The following TRAF3 variants were observed in gnomAD, a reference collection of about 807,000 sequenced individuals.
TRAF3 encodes TNF receptor-associated factor 3.
Under a neutral mutation model 62.3 loss-of-function variants are expected in TRAF3, and 13 were observed. The observed-to-expected ratio is 0.21, with a 90% CI of 0.14 to 0.33. The LOEUF is 0.33. TRAF3 is among the 10% of genes least tolerant of loss of function. The pLI is 1.00. For missense variants in TRAF3, 440 were observed against 741.8 expected, an observed-to-expected ratio of 0.59 and a Z score of 4.73; for synonymous variants, 269 against 283.4, an observed-to-expected ratio of 0.95 and a Z score of 0.51.
chr14:102,884,074 A>G (rs112213066), intron 6 of TRAF3, among the ~76,000 whole-genome samples: 3,185 of 152,328 alleles, frequency 0.021, 52 homozygotes, highest in Non-Finnish European at 0.03. Context: ...GCAAAAAACA[A>G]ATTTATCCTG....
At chr14:102,815,839 C>G (rs1372009581) in intron 1 of TRAF3, among the ~76,000 whole-genome samples, 1 of 152,106 alleles carries the variant, frequency 6.6e-6, no homozygotes, top group African/African-American at 2.4e-5. Context: ...GGAAAAACTA[C>G]CATTTATAAA....
chr14:102,838,675 C>T (rs139948142), intron 2 of TRAF3, among the ~76,000 whole-genome samples: 25 of 152,238 alleles, frequency 1.6e-4, no homozygotes, highest in African/African-American at 4.8e-4. Context: ...ACAGTCGTTG[C>T]GGCTGGAGCA....
intron 5 of TRAF3, 60 bp from the exon 6 acceptor site, chr14:102,876,297 CT>C: frequency 6.4e-7 from 1 of 1,572,160 alleles, no homozygotes; most frequent in Non-Finnish European, 8.7e-7. Flanking sequence ...AGATTAGAAT[CT>C]GGTATTTCAG....
chr14:102,904,746 C>T (rs538407850), intron 11 of TRAF3, among the ~76,000 whole-genome samples: 108 of 145,498 alleles, frequency 7.4e-4, no homozygotes, highest in Admixed American at 1.6e-3. Context: ...GGAGGCGGAG[C>T]TTGCAGTGAG....
intron 1 of TRAF3, among the ~76,000 whole-genome samples, chr14:102,811,913 CTTTTTTTTTTTTTT>C (rs71119743): frequency 8.3e-4 from 39 of 47,092 alleles, no homozygotes; most frequent in East Asian, 3.9e-3. Context: ...ATGCCTGGCC[CTTTTTTTTTTTTTT>C]TTTTTTTTTT....
chr14:102,882,157 T>G (rs1423556928), intron 6 of TRAF3, among the ~76,000 whole-genome samples: 1 of 152,186 alleles, frequency 6.6e-6, no homozygotes, highest in Non-Finnish European at 1.5e-5. Context: ...AAGGCTTTAG[T>G]GAGGAGGTTG....
intron 1 of TRAF3, among the ~76,000 whole-genome samples, chr14:102,812,860 A>G (rs567180260): frequency 1.3e-5 from 2 of 151,886 alleles, no homozygotes; most frequent in Admixed American, 1.3e-4. Flanking sequence ...CGGAGCTTGC[A>G]GTGAGCCGAG....
At chr14:102,852,879 A>G (rs1056203635) in intron 2 of TRAF3, among the ~76,000 whole-genome samples, 1 of 150,716 alleles carries the variant, frequency 6.6e-6, no homozygotes, top group Non-Finnish European at 1.5e-5. Flanking sequence ...TTTTTATTTT[A>G]TTTTTATATT....
rs1298621813 is a variant in TRAF3, at chr14:102,777,589, G to A, written c.-243G>A. 1 of 145,272 alleles carries A rather than the reference G, an allele frequency of 6.9e-6. No individual in the cohort carries two copies. Among genetic ancestry groups the A allele is most frequent in the Non-Finnish European group, 1.5e-5 (1 of 65,344 alleles). 9.0% of individuals were successfully genotyped at this position (145,272 alleles called of 1,614,324 possible). ...CGGCTCTTCCCCGCCCCCCGCCATG[G>A]GGCAGCCCGGGGAGCAGAACGCTGC... On this transcript the variant is annotated 5_prime_UTR_variant, in exon 1 of 12. Transcript: ENST00000392745.
intron 9 of TRAF3, among the ~76,000 whole-genome samples, chr14:102,896,200 G>A (rs1354887502): frequency 3.3e-5 from 5 of 152,130 alleles, no homozygotes; most frequent in Admixed American, 6.5e-5. Flanking sequence ...TGAAACACAC[G>A]TTAGTATGAA....
rs1257007596 is a variant in TRAF3 at position 102,853,762 on chromosome 14, C to T, written c.-17-16423C>T. Among the ~76,000 whole-genome samples the T allele has an allele frequency of 3.3e-5, 5 of 151,288 alleles. No homozygotes were observed. In the South Asian group the frequency reaches 8.4e-4, roughly 25 times the overall value. On this transcript the variant is annotated intron_variant, in intron 2 of 11. Coordinates refer to ENST00000392745, the MANE Select transcript of TRAF3 (RefSeq NM_145725.3). The stretch of plus-strand genomic sequence containing the variant: ...CTGAGGCAGCAGAATTGCTTGGGCC[C>T]GGGAGGCGGAGGTTGCAGTGAGCCG...
intron 4 of TRAF3, among the ~76,000 whole-genome samples, chr14:102,873,682 C>T (rs2139843869): frequency 6.6e-6 from 1 of 152,256 alleles, no homozygotes; most frequent in South Asian, 2.1e-4. Flanking sequence ...CATCTGTAAA[C>T]AGAGACATTT....
intron 9 of TRAF3, 31 bp downstream of exon 9, chr14:102,891,448 A>T: frequency 6.3e-7 from 1 of 1,587,706 alleles, no homozygotes; most frequent in Non-Finnish European, 8.6e-7. Context: ...CTGCTATGGG[A>T]TTTGTATCAT....
intron 2 of TRAF3, among the ~76,000 whole-genome samples, chr14:102,866,124 TG>T (rs1369283302): frequency 6.6e-6 from 1 of 152,360 alleles, no homozygotes; most frequent in African/African-American, 2.4e-5. Flanking sequence ...TCATGACCTT[TG>T]CAGGGACATG....
intron 10 of TRAF3, among the ~76,000 whole-genome samples, chr14:102,902,650 G>C (rs1276143998): frequency 1.3e-5 from 2 of 152,236 alleles, no homozygotes; most frequent in Non-Finnish European, 2.9e-5. Flanking sequence ...AGGTATACGA[G>C]GGCTGCAGAG....
chr14:102,868,287 A>AG (rs1368596985), intron 2 of TRAF3, among the ~76,000 whole-genome samples: 1 of 152,162 alleles, frequency 6.6e-6, no homozygotes, highest in Non-Finnish European at 1.5e-5. Context: ...GAAAAATCCT[A>AG]TAGTGCAGCA....
rs185590864 is a variant in TRAF3 at position 102,796,610 on chromosome 14, G to A, written c.-157+18935G>A. On this transcript the variant is annotated intron_variant, in intron 1 of 11. Transcript: ENST00000392745. Reference sequence around the variant, plus strand: ...CAATTCTTCTGCATTGGCGATTGTTGTCAGGTTGTGAGAGCAGGGGAAAAA... The same window carrying A: ...CAATTCTTCTGCATTGGCGATTGTTATCAGGTTGTGAGAGCAGGGGAAAAA... Among the ~76,000 whole-genome samples the A allele has an allele frequency of 5.4e-3, 817 of 152,294 alleles. 6 individuals are homozygous for A. Among genetic ancestry groups the A allele is most frequent in the Admixed American group, 9.9e-3 (151 of 15,296 alleles).
At chr14:102,840,813 A>G (rs779864563) in intron 2 of TRAF3, among the ~76,000 whole-genome samples, 10 of 152,218 alleles carry the variant, frequency 6.6e-5, no homozygotes, top group Non-Finnish European at 1.3e-4. Flanking sequence ...ATATGAAGTA[A>G]TAGTTTTCAT....
At chr14:102,860,750 T>A (rs1232486052) in intron 2 of TRAF3, among the ~76,000 whole-genome samples, 1 of 152,252 alleles carries the variant, frequency 6.6e-6, no homozygotes. Context: ...AAGCCTTAAC[T>A]GCTAAGCTAC....
Sources: gnomAD v4.1 joint callset for allele counts (sites outside exome capture counted in the v4.1 genomes callset) on GRCh38, gnomAD v4.1.1 for gene constraint, MANE v1.5 for transcripts, NCBI Gene and HGNC (gene_info 2026-07-23, HGNC 2026-07-21) for gene names.